Variants in G3BP2 observed in about 807,000 individuals in gnomAD.
G3BP2 encodes ras GTPase-activating protein-binding protein 2.
In G3BP2, 11 loss-of-function variants were observed where a neutral mutation model predicts 56.7. That is an observed-to-expected ratio of 0.19 (90% CI 0.12 to 0.32). The LOEUF (loss-of-function observed/expected upper bound fraction) is 0.32. G3BP2 is among the 10% of genes least tolerant of loss of function. The pLI, the probability that G3BP2 is intolerant of heterozygous loss-of-function variation, is 1.00. For synonymous variants in G3BP2, 165 were observed against 191.6 expected (o/e 0.86, Z 1.15); for missense variants, 340 against 610.9 (o/e 0.56, Z 4.67).
chr4:75,665,436 C>T (rs1732930635), intron 1 of G3BP2, among the ~76,000 whole-genome samples: 1 of 152,116 alleles, frequency 6.6e-6, no homozygotes, highest in South Asian at 2.1e-4. Context: ...GCAAAAAGGA[C>T]TCACATATGC....
At chr4:75,685,543 G>T (rs1182885470) in intron 3 of G3BP2, among the ~76,000 whole-genome samples, 2 of 149,652 alleles carry the variant, frequency 1.3e-5, no homozygotes, top group Non-Finnish European at 3.0e-5. Context: ...CCTGAAATTT[G>T]ATGGTATTTG....
chr4:75,662,221 A>ATT (rs33965828), intron 1 of G3BP2, 172 bp from the exon 2 acceptor site: 1,077 of 287,104 alleles, frequency 3.8e-3, no homozygotes, highest in Middle Eastern at 4.9e-3. Flanking sequence ...ACCTGAAATA[A>ATT]TTTTTTTTTT....
chr4:75,723,064 T>A (rs1209162689), intron 1 of G3BP2, among the ~76,000 whole-genome samples: 2 of 152,192 alleles, frequency 1.3e-5, no homozygotes, highest in African/African-American at 4.8e-5. Flanking sequence ...GATGTGTACC[T>A]ACATTTTAGG....
At chr4:75,706,812 GGTCTAT>G (rs1209300466) in intron 3 of G3BP2, among the ~76,000 whole-genome samples, 3 of 152,030 alleles carry the variant, frequency 2.0e-5, no homozygotes, top group African/African-American at 7.2e-5. Context: ...CACCACTAAA[GGTCTAT>G]GTTAAATGAC....
chr4:75,696,411 C>T (rs1415077269), intron 3 of G3BP2, among the ~76,000 whole-genome samples: 1 of 152,150 alleles, frequency 6.6e-6, no homozygotes, highest in African/African-American at 2.4e-5. Context: ...AATAACTGAA[C>T]TTGTTATATT....
intron 3 of G3BP2, among the ~76,000 whole-genome samples, chr4:75,682,787 C>T (rs1178104850): frequency 2.0e-5 from 3 of 152,002 alleles, no homozygotes; most frequent in African/African-American, 7.3e-5. Flanking sequence ...CGAGACCATC[C>T]TGGCCAACAC....
intron 3 of G3BP2, among the ~76,000 whole-genome samples, chr4:75,695,193 A>G (rs999601461): frequency 1.3e-5 from 2 of 152,244 alleles, no homozygotes; most frequent in Admixed American, 6.5e-5. Context: ...GTTACTGGGC[A>G]GTAATAACAG....
chr4:75,673,281 C>G lies in G3BP2; in HGVS notation c.-98G>C. 1.1e-5 allele frequency: 14 copies of G among 1,222,136 alleles called. No homozygotes were observed. The allele number at this position is 1,222,136 out of a possible 1,614,324, so 75.7% of individuals were successfully genotyped here. On this transcript the variant is annotated 5_prime_UTR_variant, in exon 1 of 12. Coordinates refer to ENST00000359707, the MANE Select transcript of G3BP2 (RefSeq NM_203505.3). ...CGCTGAGGACCGGGTGCGGCGGGTT[C>G]TTATTGCTCGCCGCCCCCTTCCTCC...
intron 2 of G3BP2, among the ~76,000 whole-genome samples, chr4:75,659,981 G>A (rs947217086): frequency 5.9e-5 from 9 of 152,276 alleles, no homozygotes; most frequent in Admixed American, 2.6e-4. Flanking sequence ...AGTATCTTAA[G>A]AAAATAACTA....
chr4:75,684,358 T>A (rs1479307536), intron 3 of G3BP2, among the ~76,000 whole-genome samples: 1 of 151,662 alleles, frequency 6.6e-6, no homozygotes, highest in Non-Finnish European at 1.5e-5. Flanking sequence ...TGAACCAAGA[T>A]CACACCACTG....
Position 75,673,247 on chromosome 4 carries a change from C to T in G3BP2, c.-64G>A. On this transcript the variant is annotated 5_prime_UTR_variant, in exon 1 of 12. Transcript: ENST00000359707. ...GGCGGCGGGTACGTCGCGCGGAGGT[C>T]AGAAGAGTCGCTGAGGACCGGGTGC... 3 of 1,221,374 alleles carry T rather than the reference C, an allele frequency of 2.5e-6. No individual in the cohort carries two copies. The highest frequency in any genetic ancestry group is 3.1e-6 in the Non-Finnish European group (3 of 981,496). The allele number at this position is 1,221,374 out of a possible 1,614,324, so 75.7% of individuals were successfully genotyped here. A position where few individuals can be genotyped will look rare whatever the true frequency, so the allele number is the denominator to read the frequency against.
chr4:75,684,180 C>T (rs1265616876), intron 3 of G3BP2, among the ~76,000 whole-genome samples: 5 of 151,938 alleles, frequency 3.3e-5, no homozygotes, highest in Admixed American at 2.0e-4. Context: ...CCAAGGTGGG[C>T]GGATCATGAG....
chr4:75,715,005 A>G (rs1218947742), intron 3 of G3BP2, among the ~76,000 whole-genome samples: 1 of 152,230 alleles, frequency 6.6e-6, no homozygotes, highest in Non-Finnish European at 1.5e-5. Context: ...CAATTGATAC[A>G]GCAAAATTAA....
Position 75,647,116 on chromosome 4 carries a change from T to C in G3BP2, c.970A>G (p.Ile324Val), listed in dbSNP as rs200985641. ...TGATGACTATCTGGATAGCGAATTA[T>C]TCTACGGTTGTCAGAGTCATTCTGT... is the stretch of plus-strand genomic sequence containing the variant. Reference protein sequence around the residue: ...MEQNDSDNRRIIRYPDSHQLF... With the variant: ...MEQNDSDNRRVIRYPDSHQLF... Residue 324 changes from isoleucine (I) to valine (V), a missense_variant, in exon 10 of 12, where the codon ATA (isoleucine) becomes GTA (valine). By Grantham distance (29) the Ile-to-Val change is conservative. Around this residue, in one of 4 missense-constraint regions of G3BP2, gnomAD observed 224 missense variants for 332.5 expected, o/e 0.67. Transcript: ENST00000359707. 4.3e-4 allele frequency: 691 copies of C among 1,599,822 alleles called. 7 individuals carry two copies. The South Asian group carries it at 6.9e-3, about 16-fold the overall frequency.
intron 8 of G3BP2, among the ~76,000 whole-genome samples, chr4:75,650,572 G>A (rs1400075121): frequency 2.6e-5 from 4 of 151,852 alleles, no homozygotes; most frequent in African/African-American, 7.3e-5. Flanking sequence ...TTTCCTCTAT[G>A]TCAATGTCCT....
At chr4:75,693,697 G>A (rs1718972485) in intron 3 of G3BP2, among the ~76,000 whole-genome samples, 1 of 151,724 alleles carries the variant, frequency 6.6e-6, no homozygotes, top group South Asian at 2.1e-4. Context: ...GCTGAGGCAG[G>A]AGAATTGCTT....
intron 1 of G3BP2, among the ~76,000 whole-genome samples, chr4:75,667,333 C>T (rs1195381224): frequency 6.7e-6 from 1 of 149,350 alleles, no homozygotes; most frequent in East Asian, 2.0e-4. Context: ...GATACTTATA[C>T]ACAAAAAGAA....
intron 3 of G3BP2, among the ~76,000 whole-genome samples, chr4:75,693,251 A>G (rs979159770): frequency 6.6e-6 from 1 of 152,162 alleles, no homozygotes; most frequent in Non-Finnish European, 1.5e-5. Context: ...CTCAAAATAA[A>G]TAAATAAAAT....
chr4:75,680,986 A>T (rs1241428515), intron 3 of G3BP2, among the ~76,000 whole-genome samples: 16 of 20,048 alleles, frequency 8.0e-4, no homozygotes, highest in South Asian at 3.9e-3. Flanking sequence ...ATAAAAAATT[A>T]AAAAAAAAAA....
Sources: gnomAD v4.1 joint callset for allele counts (sites outside exome capture counted in the v4.1 genomes callset) on GRCh38, gnomAD v4.1.1 for gene constraint, gnomAD v4.1.1 regional missense constraint, MANE v1.5 for transcripts, NCBI Gene and HGNC (gene_info 2026-07-23, HGNC 2026-07-21) for gene names.